CREB5: variants seen among roughly 807,000 people sequenced by gnomAD.
The protein encoded by CREB5 is cAMP responsive element binding protein 5.
CREB5 carries 19 observed loss-of-function variants against 57.1 expected under a neutral mutation model. That is an observed-to-expected ratio of 0.33 (90% CI 0.23 to 0.49). The LOEUF (loss-of-function observed/expected upper bound fraction) is 0.49. Among genes scored for constraint, CREB5 ranks in the 20% least tolerant of loss-of-function variants. The pLI is 0.99. For synonymous variants in CREB5, 238 were observed against 238.3 expected, an observed-to-expected ratio of 1.00 and a Z score of 0.01; for missense variants, 579 against 671.6, an observed-to-expected ratio of 0.86 and a Z score of 1.52.
chr7:28,688,812 G>C (rs1443431847), intron 5 of CREB5, among the ~76,000 whole-genome samples: 1 of 152,150 alleles, frequency 6.6e-6, no homozygotes, highest in Non-Finnish European at 1.5e-5. Context: ...AGTTTGATGA[G>C]TGCCAAGTGT....
intron 5 of CREB5, among the ~76,000 whole-genome samples, chr7:28,698,371 A>AAAAAAAAAAAC: frequency 6.9e-6 from 1 of 143,886 alleles, no homozygotes; most frequent in Non-Finnish European, 1.5e-5. Flanking sequence ...AAAAAAAAAA[A>AAAAAAAAAAAC]CACACTCACA....
chr7:28,591,783 C>A (rs1429034184), intron 5 of CREB5, among the ~76,000 whole-genome samples: 2 of 152,100 alleles, frequency 1.3e-5, no homozygotes, highest in Non-Finnish European at 2.9e-5. Flanking sequence ...AGTGCCAAAT[C>A]TGACTATATG....
chr7:28,749,361 T>TCCC (rs1804852936), intron 7 of CREB5: 1 of 152,262 alleles, frequency 6.6e-6, no homozygotes, highest in African/African-American at 2.4e-5. Context: ...CTGATGGATG[T>TCCC]CTCAGTGCTG....
intron 9 of CREB5, among the ~76,000 whole-genome samples, chr7:28,816,543 G>A (rs779185099): frequency 4.0e-5 from 6 of 149,966 alleles, no homozygotes; most frequent in Non-Finnish European, 8.9e-5. Flanking sequence ...GAGATTTGTA[G>A]ATGAGATTTT....
intron 5 of CREB5, among the ~76,000 whole-genome samples, chr7:28,646,418 G>A (rs769456716): frequency 6.6e-6 from 1 of 152,126 alleles, no homozygotes; most frequent in Non-Finnish European, 1.5e-5. Flanking sequence ...CTAAAGGCCT[G>A]GTGCTGCCAT....
rs72106956 is a variant in CREB5 at position 28,658,953 on chromosome 7, G to GTATATATATATA, written c.465-59784_465-59773dup. Among the ~76,000 whole-genome samples the GTATATATATATA allele has an allele frequency of 1.5e-3, 152 of 99,368 alleles. 1 individual carries two copies. The highest frequency in any genetic ancestry group is 2.1e-3 in the South Asian group (7 of 3,290). 65.2% of individuals were successfully genotyped at this position (99,368 alleles called of 152,430 possible). On this transcript the variant is annotated intron_variant, in intron 5 of 10. Coordinates refer to ENST00000357727, the MANE Select transcript of CREB5 (RefSeq NM_182898.4). ...CACTAAATATTATATGTGTGTGTGTGTATATATATATATATATATATATAT... is the reference window on the plus strand; with the variant it reads ...CACTAAATATTATATGTGTGTGTGTGTATATATATATATATATATATATATATATATATATAT...
intron 5 of CREB5, among the ~76,000 whole-genome samples, chr7:28,698,354 CAAA>C (rs10611948): frequency 1.1e-4 from 14 of 122,694 alleles, no homozygotes; most frequent in Non-Finnish European, 1.1e-4. Flanking sequence ...CACTCCCCAC[CAAA>C]AAAAAAAAAA....
intron 4 of CREB5, among the ~76,000 whole-genome samples, chr7:28,515,478 A>G (rs1289589539): frequency 6.6e-6 from 1 of 152,198 alleles, no homozygotes; most frequent in African/African-American, 2.4e-5. Flanking sequence ...TCTAGCCTCT[A>G]GCTGTTACTG....
At chr7:28,607,963 C>T (rs1583409754) in intron 5 of CREB5, among the ~76,000 whole-genome samples, 2 of 152,048 alleles carry the variant, frequency 1.3e-5, no homozygotes, top group South Asian at 4.2e-4. Context: ...TGAACAGCGC[C>T]GTACATGGTG....
intron 4 of CREB5, among the ~76,000 whole-genome samples, chr7:28,547,800 G>A (rs1295034013): frequency 1.3e-5 from 2 of 152,186 alleles, no homozygotes; most frequent in African/African-American, 2.4e-5. Context: ...AGCTTTGGAA[G>A]TGTGTAGGTT....
intron 9 of CREB5, 134 bp downstream of exon 9, chr7:28,809,548 C>T (rs1369338029): frequency 7.7e-6 from 6 of 774,798 alleles, no homozygotes; most frequent in Non-Finnish European, 1.2e-5. Flanking sequence ...AGCCCCACTC[C>T]TCGAGTTTTA....
chr7:28,783,351 C>A (rs1170626346), intron 7 of CREB5, among the ~76,000 whole-genome samples: 1 of 152,144 alleles, frequency 6.6e-6, no homozygotes, highest in Non-Finnish European at 1.5e-5. Flanking sequence ...CATTTCTCAC[C>A]ATCCATTTTT....
At chr7:28,560,905 CGT>C (rs1213126401) in intron 4 of CREB5, among the ~76,000 whole-genome samples, 520 of 13,368 alleles carry the variant, frequency 0.039, 37 homozygotes, top group Middle Eastern at 0.1. Context: ...TGCGTGCGCG[CGT>C]GCGTGTGCGT....
intron 7 of CREB5, among the ~76,000 whole-genome samples, chr7:28,801,794 GAAGTA>G (rs1276576216): frequency 6.6e-6 from 1 of 152,026 alleles, no homozygotes; most frequent in Non-Finnish European, 1.5e-5. Flanking sequence ...TTTCTGTTTA[GAAGTA>G]AACATGGCCG....
At chr7:28,418,607 A>T (rs1219436239) in intron 1 of CREB5, among the ~76,000 whole-genome samples, 1 of 152,208 alleles carries the variant, frequency 6.6e-6, no homozygotes. Context: ...ACTATAAACT[A>T]GTTTTAAATA....
intron 1 of CREB5, among the ~76,000 whole-genome samples, chr7:28,362,550 C>T (rs1335723127): frequency 2.0e-5 from 3 of 151,954 alleles, no homozygotes; most frequent in East Asian, 1.9e-4. Context: ...TTCAAAGGCA[C>T]GAAAGACAAT....
At chr7:28,496,860 C>T (rs1446507769) in intron 3 of CREB5, among the ~76,000 whole-genome samples, 1 of 151,744 alleles carries the variant, frequency 6.6e-6, no homozygotes, top group East Asian at 1.9e-4. Context: ...AGTCTACAAA[C>T]AGAGATGGAG....
intron 8 of CREB5, among the ~76,000 whole-genome samples, chr7:28,807,303 G>T (rs1262974150): frequency 1.3e-5 from 2 of 152,140 alleles, no homozygotes; most frequent in East Asian, 3.9e-4. Context: ...ACAAAAATTA[G>T]CCAGGCATGG....
intron 1 of CREB5, among the ~76,000 whole-genome samples, chr7:28,370,843 T>C (rs190889855): frequency 2.6e-5 from 4 of 152,224 alleles, no homozygotes; most frequent in Admixed American, 6.5e-5. Flanking sequence ...ACTTCAAACA[T>C]TGCCAACCCA....
Sources: gnomAD v4.1 joint callset for allele counts (sites outside exome capture counted in the v4.1 genomes callset) on GRCh38, gnomAD v4.1.1 for gene constraint, MANE v1.5 for transcripts, NCBI Gene and HGNC (gene_info 2026-07-23, HGNC 2026-07-21) for gene names.